SLC44A5: variants seen among roughly 807,000 people sequenced by gnomAD.
The protein encoded by SLC44A5 is solute carrier family 44 member 5.
Under a neutral mutation model 101.8 loss-of-function variants are expected in SLC44A5, and 57 were observed. The observed-to-expected ratio is 0.56, with a 90% CI of 0.45 to 0.70. The LOEUF (loss-of-function observed/expected upper bound fraction) is 0.70, where lower values mean the gene tolerates loss of function less well. Among genes scored for constraint, SLC44A5 ranks in the 30% least tolerant of loss-of-function variants. The pLI is 0.00. For synonymous variants in SLC44A5, 281 were observed against 290.9 expected (o/e 0.97, Z 0.35); for missense variants, 737 against 853.1 (o/e 0.86, Z 1.70).
intron 2 of SLC44A5, among the ~76,000 whole-genome samples, chr1:75,511,494 A>G (rs1570485781): frequency 6.6e-6 from 1 of 152,188 alleles, no homozygotes; most frequent in Admixed American, 6.5e-5. Context: ...AAAAACTACA[A>G]ATGCAGAATA....
At chr1:75,493,143 G>A (rs1239498394) in intron 2 of SLC44A5, among the ~76,000 whole-genome samples, 6 of 152,072 alleles carry the variant, frequency 3.9e-5, no homozygotes, top group East Asian at 3.9e-4. Flanking sequence ...CACATTCAGC[G>A]TCATGTTTGC....
the SLC44A5 span, chr1:75,641,344 C>G: frequency 4.4e-5 from 32 of 729,358 alleles, no homozygotes; most frequent in Middle Eastern, 3.4e-4. Context: ...TGAGGAATCT[C>G]TTAACATTAG....
chr1:75,237,783 C>T (rs1420224318), intron 10 of SLC44A5, among the ~76,000 whole-genome samples: 2 of 152,084 alleles, frequency 1.3e-5, no homozygotes, highest in African/African-American at 4.8e-5. Context: ...GAAAATCATG[C>T]AAGCTGCTAT....
chr1:75,371,346 G>A (rs1226319695), intron 3 of SLC44A5, among the ~76,000 whole-genome samples: 4 of 152,250 alleles, frequency 2.6e-5, no homozygotes, highest in African/African-American at 7.2e-5. Flanking sequence ...TATAAAATAG[G>A]AGAAATAGAA....
At chr1:75,486,356 T>G (rs1484587378) in intron 2 of SLC44A5, among the ~76,000 whole-genome samples, 1 of 151,870 alleles carries the variant, frequency 6.6e-6, no homozygotes, top group African/African-American at 2.4e-5. Context: ...GTAGAGGGAG[T>G]GATATTGAAT....
chr1:75,609,369 A>C (rs1009885313), intron 1 of SLC44A5, among the ~76,000 whole-genome samples: 1 of 151,854 alleles, frequency 6.6e-6, no homozygotes, highest in Non-Finnish European at 1.5e-5. Flanking sequence ...TGATGTTTTG[A>C]TATATATACA....
At chr1:75,671,440 CAG>C in the SLC44A5 span, among the ~76,000 whole-genome samples, 39,170 of 151,750 alleles carry the variant, frequency 0.26, 5,371 homozygotes, top group Middle Eastern at 0.37. Context: ...GTTAGAGAAG[CAG>C]AGAGACTCAC....
At chr1:75,333,950 T>G (rs555475459) in intron 4 of SLC44A5, among the ~76,000 whole-genome samples, 1 of 152,286 alleles carries the variant, frequency 6.6e-6, no homozygotes, top group South Asian at 2.1e-4. Context: ...TGTGTCCATC[T>G]CAGGGACTTT....
the SLC44A5 span, among the ~76,000 whole-genome samples, chr1:75,719,363 T>A: frequency 6.6e-6 from 1 of 152,154 alleles, no homozygotes; most frequent in African/African-American, 2.4e-5. Context: ...TCACTATTCC[T>A]GCTACAATTT....
chr1:75,265,377 A>G (rs1388156188), intron 6 of SLC44A5, among the ~76,000 whole-genome samples: 2 of 152,220 alleles, frequency 1.3e-5, no homozygotes, highest in Admixed American at 1.3e-4. Flanking sequence ...GAATACTAGC[A>G]AACTGAAAGC....
chr1:75,232,815 C>T (rs1167047050), intron 12 of SLC44A5, among the ~76,000 whole-genome samples: 9 of 152,158 alleles, frequency 5.9e-5, no homozygotes, highest in Non-Finnish European at 4.4e-5. Flanking sequence ...CACCAACAAA[C>T]TTCCAAAGTT....
intron 2 of SLC44A5, among the ~76,000 whole-genome samples, chr1:75,436,786 A>G (rs1272117038): frequency 1.3e-5 from 2 of 152,210 alleles, no homozygotes; most frequent in African/African-American, 4.8e-5. Context: ...AGCACAATAT[A>G]CAGTTATAAA....
intron 2 of SLC44A5, among the ~76,000 whole-genome samples, chr1:75,421,177 T>C (rs778948723): frequency 1.3e-5 from 2 of 152,154 alleles, no homozygotes; most frequent in Admixed American, 6.5e-5. Flanking sequence ...AACAATTTTA[T>C]ACATACTGTT....
intron 14 of SLC44A5, among the ~76,000 whole-genome samples, 160 bp downstream of exon 14, chr1:75,222,201 C>T (rs980217250): frequency 1.3e-5 from 2 of 152,072 alleles, no homozygotes; most frequent in African/African-American, 4.8e-5. Context: ...GGTGACCAGC[C>T]TGCCTCGGCC....
At chr1:75,476,404 A>T (rs1444120807) in intron 2 of SLC44A5, among the ~76,000 whole-genome samples, 3 of 152,120 alleles carry the variant, frequency 2.0e-5, no homozygotes, top group Non-Finnish European at 2.9e-5. Context: ...TGGGCGCAGG[A>T]CAGTGGGTGC....
intron 2 of SLC44A5, among the ~76,000 whole-genome samples, chr1:75,535,643 C>G (rs1670955343): frequency 6.6e-6 from 1 of 152,064 alleles, no homozygotes; most frequent in Non-Finnish European, 1.5e-5. Flanking sequence ...GTAGCCAGGA[C>G]AAATTTTGAC....
At chr1:75,571,587 T>A (rs1240105987) in intron 1 of SLC44A5, among the ~76,000 whole-genome samples, 1 of 152,228 alleles carries the variant, frequency 6.6e-6, no homozygotes, top group Non-Finnish European at 1.5e-5. Flanking sequence ...AATACTTTTT[T>A]ATAAAATAAG....
At chr1:75,698,238 G>A in the SLC44A5 span, among the ~76,000 whole-genome samples, 1 of 152,226 alleles carries the variant, frequency 6.6e-6, no homozygotes, top group Non-Finnish European at 1.5e-5. Flanking sequence ...AACCTCTGCA[G>A]ACTTAAATGT....
At chr1:75,482,373 A>G (rs1667921536) in intron 2 of SLC44A5, among the ~76,000 whole-genome samples, 2 of 152,166 alleles carry the variant, frequency 1.3e-5, no homozygotes, top group African/African-American at 4.8e-5. Flanking sequence ...GTACATATGC[A>G]ACTAACCTGC....
Sources: gnomAD v4.1 joint callset for allele counts (sites outside exome capture counted in the v4.1 genomes callset) on GRCh38, gnomAD v4.1.1 for gene constraint, MANE v1.5 for transcripts, NCBI Gene and HGNC (gene_info 2026-07-23, HGNC 2026-07-21) for gene names.